The following TBL3 variants were observed in gnomAD, a reference collection of about 807,000 sequenced individuals.
TBL3 encodes the protein transducin beta-like protein 3.
Under a neutral mutation model 102.7 loss-of-function variants are expected in TBL3, and 71 were observed. That is an observed-to-expected ratio of 0.69 (90% CI 0.57 to 0.84). TBL3 has a LOEUF of 0.84. Among genes scored for constraint, TBL3 ranks in the 40% least tolerant of loss-of-function variants. The pLI is 0.00. For missense variants in TBL3, 1,188 were observed against 1,098.5 expected (o/e 1.08, Z -1.15); for synonymous variants, 578 against 477.7 (o/e 1.21, Z -2.74).
rs2083394585 is a variant in TBL3, at chr16:1,975,629, C to T, written c.906C>T (p.His302=). ...GQELTHCTLA[H]TAGVVLTATA... is the part of the protein sequence containing the mutation. The stretch of plus-strand genomic sequence containing the variant: ...AGCTGACCCACTGCACCCTGGCACA[C>T]ACCGCCGGCGTGGTCCTCACCGCCA... The change falls in exon 10 of 22, where the codon CAC becomes CAT. Residue 302 remains histidine (H), a synonymous_variant. Coordinates refer to ENST00000568546, the MANE Select transcript of TBL3 (RefSeq NM_006453.3). The T allele has an allele frequency of 6.2e-7, 1 of 1,603,750 alleles. No homozygotes were observed. The highest frequency in any genetic ancestry group is 8.5e-7 in the Non-Finnish European group (1 of 1,179,808).
rs772112799 is a variant in TBL3 at position 1,978,573 on chromosome 16, G to A, written c.2315G>A (p.Ser772Asn). The A allele has an allele frequency of 3.1e-6, 5 of 1,611,970 alleles. No individual in the cohort carries two copies. Among genetic ancestry groups the A allele is most frequent in the Admixed American group, 3.3e-5 (2 of 59,978 alleles). Residue 772 changes from serine to asparagine, a missense_variant, in exon 22 of 22, where the codon AGC (serine) becomes AAC (asparagine). Ser to Asn is a conservative substitution (Grantham distance 46, BLOSUM62 1). Transcript: ENST00000568546. ...CCAGAGCGGCACTTTCAGCGGCTCA[G>A]CAGGACCCTCCAGGCCGCCGCTTTC... Reference protein sequence around the residue: ...PYTERHFQRLSRTLQAAAFLD... With the variant: ...PYTERHFQRLNRTLQAAAFLD...
chr16:1,980,093 G>T lies in TBL3; in HGVS notation c.*1408G>T, dbSNP rs201558628. 5 of 1,607,138 alleles carry T rather than the reference G, an allele frequency of 3.1e-6. No individual in the cohort carries two copies. In the African/African-American group the frequency reaches 5.3e-5, roughly 17 times the overall value. The stretch of plus-strand genomic sequence containing the variant: ...TGGGTACAGAAGGGCTGCAGGCAGC[G>T]CAGGCTCTGAGCCTCCAGACTGTGG... On this transcript the variant is annotated 3_prime_UTR_variant, in exon 22 of 22. Coordinates refer to ENST00000568546, the MANE Select transcript of TBL3 (RefSeq NM_006453.3).
At position 1,977,197 on chromosome 16, in the gene TBL3, G is replaced by C. The variant is rs1291420105; in HGVS notation, c.1584G>C (p.Gln528His). ...ACCGGCGTGGCCTCTGGTGCGTCCAGTTCTCTCCCATGGACCAGGTGCTGG... is the reference window on the plus strand; with the variant it reads ...ACCGGCGTGGCCTCTGGTGCGTCCACTTCTCTCCCATGGACCAGGTGCTGG... The part of the protein sequence containing the change: ...SGHRRGLWCV[Q>H]FSPMDQVLAT... Residue 528 changes from glutamine (Q) to histidine (H), a missense_variant, in exon 15 of 22, where the codon CAG becomes CAC. Physicochemically the swap from Gln to His is conservative, Grantham distance 24. Transcript: ENST00000568546. The C allele has an allele frequency of 6.2e-7, 1 of 1,613,054 alleles. No homozygotes were observed. The highest frequency in any genetic ancestry group is 8.5e-7 in the Non-Finnish European group (1 of 1,179,984).
chr16:1,980,659 G>A lies in TBL3; in HGVS notation c.*1974G>A. The stretch of plus-strand genomic sequence containing the variant: ...CCCGTACCCAGGCTGGCCTGACCGA[G>A]AAGCTTTGGGAGAACGCGGTCAGAT... On this transcript the variant is annotated 3_prime_UTR_variant, in exon 22 of 22. Transcript: ENST00000568546. 2 of 1,605,958 alleles carry A rather than the reference G, an allele frequency of 1.2e-6. No homozygotes were observed. Among genetic ancestry groups the A allele is most frequent in the Non-Finnish European group, 1.7e-6 (2 of 1,176,460 alleles).
Position 1,979,008 on chromosome 16 carries a change from G to T in TBL3, c.*323G>T, listed in dbSNP as rs1325344561. ...GATCCGCCCTCCCCGCTCCTCCCCA[G>T]CCCTGGGATGGCGCGGTCCATCCCC... On this transcript the variant is annotated 3_prime_UTR_variant, in exon 22 of 22. Transcript: ENST00000568546. 2.0e-6 allele frequency: 3 copies of T among 1,507,870 alleles called. No individual in the cohort carries two copies. Among genetic ancestry groups the T allele is most frequent in the South Asian group, 1.2e-5 (1 of 81,436 alleles). The allele number at this position is 1,507,870 out of a possible 1,614,324, so 93.4% of individuals were successfully genotyped here.
Position 1,975,844 on chromosome 16 carries a change from T to C in TBL3, c.1024T>C (p.Phe342Leu). 2 of 1,614,114 alleles carry C rather than the reference T, an allele frequency of 1.2e-6. No individual in the cohort carries two copies. Among genetic ancestry groups the C allele is most frequent in the Non-Finnish European group, 1.7e-6 (2 of 1,180,020 alleles). Reference sequence around the variant, plus strand: ...CAGTGAGGAGGTTTTGGATGTCCGGTTTCTTGGGCCCGAGGACTCCCACGT... The same window carrying C: ...CAGTGAGGAGGTTTTGGATGTCCGGCTTCTTGGGCCCGAGGACTCCCACGT... ...GYSEEVLDVR[F>L]LGPEDSHVVV... is the part of the protein sequence containing the mutation. The change falls in exon 11 of 22, where the codon TTT becomes CTT. Residue 342 changes from phenylalanine (F) to leucine (L), a missense_variant. Physicochemically the swap from Phe to Leu is conservative, Grantham distance 22. Coordinates refer to ENST00000568546, the MANE Select transcript of TBL3 (RefSeq NM_006453.3).
In TBL3 at chr16:1,981,231, C is replaced by T. The variant is rs1477863508; in HGVS notation, c.*2546C>T. The T allele has an allele frequency of 1.2e-6, 2 of 1,610,524 alleles. No homozygotes were observed. Among genetic ancestry groups the T allele is most frequent in the South Asian group, 2.2e-5 (2 of 90,860 alleles). ...CTGAAATGGGCGAGGACCCTTCTGC[C>T]TCCCCGTGCTTGAGAGGGCTCTGGG... On this transcript the variant is annotated 3_prime_UTR_variant, in exon 22 of 22. Transcript: ENST00000568546.
chr16:1,972,422 G>A (rs2083367439), intron 1 of TBL3, among the ~76,000 whole-genome samples: 2 of 152,246 alleles, frequency 1.3e-5, no homozygotes, highest in South Asian at 2.1e-4. Context: ...GCCGCCGGGA[G>A]CAGCAGCGTG....
chr16:1,976,032 C>T, intron 11 of TBL3, 24 bp from the exon 12 acceptor site: 2 of 1,614,208 alleles, frequency 1.2e-6, no homozygotes, highest in Admixed American at 1.7e-5. Flanking sequence ...GCTGTGTGAC[C>T]TATACCTCCC....
Position 1,975,362 on chromosome 16 carries a change from G to C in TBL3, c.729G>C (p.Val243=). ...VPVFESVEAA[V]LLPEEPVSQL... ...GTCTCCAGAGCGTGGAGGCTGCTGT[G>C]CTGTTGCCAGAGGAGCCAGTGTCCC... The change falls in exon 9 of 22, where the codon GTG becomes GTC. Residue 243 remains valine (V), a synonymous_variant. Coordinates refer to ENST00000568546, the MANE Select transcript of TBL3 (RefSeq NM_006453.3). 6.2e-7 allele frequency: 1 copy of C among 1,614,024 alleles called. No homozygotes were observed. The highest frequency in any genetic ancestry group is 8.5e-7 in the Non-Finnish European group (1 of 1,180,026).
In TBL3 at chr16:1,979,270, AC is replaced by A. The variant is rs1567328661; in HGVS notation, c.*589del. ...CCCGCCGGGTCGTCTCCTCCACGGAACCCCGTCCCGCTCAGGAGAGCGCCCA... is the reference window on the plus strand; with the variant it reads ...CCCGCCGGGTCGTCTCCTCCACGGAACCCGTCCCGCTCAGGAGAGCGCCCA... On this transcript the variant is annotated 3_prime_UTR_variant, in exon 22 of 22. Coordinates refer to ENST00000568546, the MANE Select transcript of TBL3 (RefSeq NM_006453.3). The A allele has an allele frequency of 1.9e-6, 3 of 1,545,970 alleles. No homozygotes were observed. The South Asian group carries it at 3.5e-5, about 18-fold the overall frequency.
chr16:1,974,360 C>G lies in TBL3; in HGVS notation c.190-16C>G, dbSNP rs777368563. ...GCCCACTCACACCGTGCTCGGCACA[C>G]CACTCTTTCTCCTAGGAGGACCAGG... On this transcript the variant is annotated splice_polypyrimidine_tract_variant and intron_variant, in intron 3 of 21. Transcript: ENST00000568546. 2.5e-6 allele frequency: 4 copies of G among 1,605,428 alleles called. No individual in the cohort carries two copies. Among genetic ancestry groups the G allele is most frequent in the South Asian group, 2.2e-5 (2 of 89,970 alleles).
chr16:1,972,362 C>G (rs911110278), intron 1 of TBL3, among the ~76,000 whole-genome samples, 157 bp downstream of exon 1: 1 of 152,120 alleles, frequency 6.6e-6, no homozygotes, highest in African/African-American at 2.4e-5. Flanking sequence ...TGATACTAGG[C>G]GGGAGAGCCG....
chr16:1,981,167 G>A lies in TBL3; in HGVS notation c.*2482G>A, dbSNP rs138328981. The A allele has an allele frequency of 6.2e-6, 10 of 1,613,456 alleles. No individual in the cohort carries two copies. The East Asian group carries it at 8.9e-5, about 14-fold the overall frequency. On this transcript the variant is annotated 3_prime_UTR_variant, in exon 22 of 22. Transcript: ENST00000568546. ...GCCCCTTGCACTGAAACTGGGTATC[G>A]GGGGCCTGCCATGGCTGTGGCTTCC...
At position 1,978,607 on chromosome 16, in the gene TBL3, C is replaced by T. The variant is rs749644047; in HGVS notation, c.2349C>T (p.Phe783=). ...TCCAGGCCGCCGCTTTCTTGGACTTCCTGTGGCACAACATGAAGCTCCCTG... is the reference window on the plus strand; with the variant it reads ...TCCAGGCCGCCGCTTTCTTGGACTTTCTGTGGCACAACATGAAGCTCCCTG... ...RTLQAAAFLD[F]LWHNMKLPVP... The change falls in exon 22 of 22, where the codon TTC becomes TTT. Residue 783 remains phenylalanine, a synonymous_variant. Coordinates refer to ENST00000568546, the MANE Select transcript of TBL3 (RefSeq NM_006453.3). The T allele has an allele frequency of 1.6e-5, 25 of 1,612,732 alleles. No homozygotes were observed. Among genetic ancestry groups the T allele is most frequent in the African/African-American group, 4.0e-5 (3 of 74,914 alleles).
intron 14 of TBL3, 31 bp from the exon 15 acceptor site, chr16:1,977,023 T>A (rs778909782): frequency 1.9e-6 from 3 of 1,612,350 alleles, no homozygotes; most frequent in Middle Eastern, 1.7e-4. Flanking sequence ...AGATGGGGGA[T>A]TGCTGAGCCA....
Position 1,981,374 on chromosome 16 carries a change from C to G in TBL3, c.*2689C>G. 7.3e-7 allele frequency: 1 copy of G among 1,364,204 alleles called. No individual in the cohort carries two copies. The highest frequency in any genetic ancestry group is 9.6e-7 in the Non-Finnish European group (1 of 1,036,318). The allele number at this position is 1,364,204 out of a possible 1,614,324, so 84.5% of individuals were successfully genotyped here. A position where few individuals can be genotyped will look rare whatever the true frequency, so the allele number is the denominator to read the frequency against. On this transcript the variant is annotated 3_prime_UTR_variant, in exon 22 of 22. Coordinates refer to ENST00000568546, the MANE Select transcript of TBL3 (RefSeq NM_006453.3). ...TCTTGCTGTCCCCCAAGCCCACGATCTGGGGGCAGGAGCACAGGGATTGGG... is the reference window on the plus strand; with the variant it reads ...TCTTGCTGTCCCCCAAGCCCACGATGTGGGGGCAGGAGCACAGGGATTGGG...
chr16:1,975,123 G>C (rs1377366752), intron 7 of TBL3, 25 bp downstream of exon 7: 1 of 1,612,904 alleles, frequency 6.2e-7, no homozygotes, highest in African/African-American at 1.3e-5. Flanking sequence ...CTGGTAGGAG[G>C]GGGAGGCTTG....
intron 13 of TBL3, 48 bp downstream of exon 13, chr16:1,976,362 A>G: frequency 1.3e-6 from 2 of 1,529,352 alleles, no homozygotes; most frequent in Non-Finnish European, 1.8e-6. Context: ...GTGGAGGCCC[A>G]GGCCTGCCAG....
Sources: gnomAD v4.1 joint callset for allele counts (sites outside exome capture counted in the v4.1 genomes callset) on GRCh38, gnomAD v4.1.1 for gene constraint, MANE v1.5 for transcripts, NCBI Gene and HGNC (gene_info 2026-07-23, HGNC 2026-07-21) for gene names.